Variants in ATP8A1 observed in about 807,000 individuals in gnomAD.
The protein encoded by ATP8A1 is ATPase phospholipid transporting 8A1.
A neutral mutation model predicts 177.7 loss-of-function variants in ATP8A1; 90 were observed. That is an observed-to-expected ratio of 0.51 (90% CI 0.43 to 0.60). The LOEUF is 0.60. ATP8A1 is among the 20% of genes least tolerant of loss of function. The pLI is 0.00. For missense variants in ATP8A1, 1,072 were observed against 1,392.8 expected, an observed-to-expected ratio of 0.77 and a Z score of 3.67; for synonymous variants, 493 against 485.9, an observed-to-expected ratio of 1.01 and a Z score of -0.19.
intron 24 of ATP8A1, among the ~76,000 whole-genome samples, chr4:42,498,303 A>T (rs1482189546): frequency 6.6e-6 from 1 of 152,152 alleles, no homozygotes; most frequent in Non-Finnish European, 1.5e-5. Flanking sequence ...TAATACATGT[A>T]AGTTGAGCTT....
chr4:42,433,313 A>AT (rs1715513449), intron 33 of ATP8A1, among the ~76,000 whole-genome samples: 1 of 152,256 alleles, frequency 6.6e-6, no homozygotes, highest in African/African-American at 2.4e-5. Flanking sequence ...CATTATGAGC[A>AT]TAACAGCTAG....
chr4:42,420,011 A>C (rs575750241), intron 35 of ATP8A1, among the ~76,000 whole-genome samples: 105 of 127,910 alleles, frequency 8.2e-4, no homozygotes, highest in African/African-American at 3.0e-3. Flanking sequence ...TCAAAAAAAA[A>C]CAAACAAACA....
intron 25 of ATP8A1, chr4:42,472,361 T>A (rs921429401): frequency 7.5e-6 from 3 of 399,370 alleles, no homozygotes; most frequent in Non-Finnish European, 1.5e-5. Flanking sequence ...AATTTTGAAT[T>A]CCCAGAGTTT....
chr4:42,552,322 A>G (rs1577569238), intron 17 of ATP8A1, among the ~76,000 whole-genome samples, 183 bp downstream of exon 17: 1 of 152,272 alleles, frequency 6.6e-6, no homozygotes, highest in East Asian at 1.9e-4. Flanking sequence ...TTACATATAC[A>G]AAGTTACACA....
chr4:42,622,425 C>A (rs371867439), intron 4 of ATP8A1, among the ~76,000 whole-genome samples: 12 of 151,140 alleles, frequency 7.9e-5, no homozygotes, highest in African/African-American at 2.9e-4. Flanking sequence ...AAATATAAAA[C>A]CCCAAACTAT....
intron 24 of ATP8A1, among the ~76,000 whole-genome samples, chr4:42,495,352 T>G (rs190722657): frequency 1.4e-3 from 216 of 152,346 alleles, no homozygotes; most frequent in Non-Finnish European, 2.8e-3. Flanking sequence ...ATTACTTGCT[T>G]TTCTACAATG....
chr4:42,604,262 C>T (rs1207447258), intron 5 of ATP8A1, among the ~76,000 whole-genome samples: 1 of 152,168 alleles, frequency 6.6e-6, no homozygotes, highest in Non-Finnish European at 1.5e-5. Flanking sequence ...GAGCTCCGTG[C>T]ACTTTTCCTT....
intron 20 of ATP8A1, among the ~76,000 whole-genome samples, chr4:42,542,318 A>T (rs1368078499): frequency 6.6e-6 from 1 of 152,324 alleles, no homozygotes; most frequent in East Asian, 1.9e-4. Context: ...TAACTCCTCA[A>T]ACAAGTTTCT....
Position 42,569,852 on chromosome 4 carries a change from C to T in ATP8A1, c.1296-647G>A, listed in dbSNP as rs183844224. Among the ~76,000 whole-genome samples, 104 of 152,322 alleles carry T rather than the reference C, an allele frequency of 6.8e-4. 2 individuals are homozygous for T. The highest frequency in any genetic ancestry group is 2.3e-3 in the African/African-American group (95 of 41,576). On this transcript the variant is annotated intron_variant, in intron 14 of 36. Coordinates refer to ENST00000381668, the MANE Select transcript of ATP8A1 (RefSeq NM_006095.2). ...TCTTCTTTAATTTCATCCATTCGCT[C>T]ATCTGAACACTAGGAAAGTCTGATA... is the stretch of plus-strand genomic sequence containing the variant.
At chr4:42,639,091 G>C (rs1304144082) in intron 1 of ATP8A1, among the ~76,000 whole-genome samples, 3 of 152,160 alleles carry the variant, frequency 2.0e-5, no homozygotes, top group Non-Finnish European at 2.9e-5. Flanking sequence ...CCCAACAGCT[G>C]TCCAAACCCA....
chr4:42,557,968 G>A (rs1189657164), intron 15 of ATP8A1, among the ~76,000 whole-genome samples: 1 of 152,052 alleles, frequency 6.6e-6, no homozygotes, highest in Non-Finnish European at 1.5e-5. Flanking sequence ...TGGAGGTTGC[G>A]GTGAGCCGAA....
At chr4:42,526,786 T>C (rs1347178866) in intron 20 of ATP8A1, among the ~76,000 whole-genome samples, 1 of 152,082 alleles carries the variant, frequency 6.6e-6, no homozygotes, top group East Asian at 1.9e-4. Context: ...GTACCAAGAG[T>C]GGCTCTAGAG....
At chr4:42,636,191 T>C (rs1739376425) in intron 1 of ATP8A1, among the ~76,000 whole-genome samples, 2 of 144,258 alleles carry the variant, frequency 1.4e-5, no homozygotes, top group South Asian at 4.5e-4. Flanking sequence ...TTAAGCTGGA[T>C]CAAAACAATT....
intron 33 of ATP8A1, among the ~76,000 whole-genome samples, chr4:42,424,678 T>A (rs898949381): frequency 3.9e-5 from 6 of 152,236 alleles, no homozygotes; most frequent in Non-Finnish European, 7.3e-5. Context: ...TAAACATTTC[T>A]AATTTTAAAT....
At chr4:42,626,901 G>T in intron 2 of ATP8A1, 94 bp downstream of exon 2, 1 of 860,676 alleles carries the variant, frequency 1.2e-6, no homozygotes, top group South Asian at 1.4e-5. Flanking sequence ...AATATTAACT[G>T]ACTGCACTGA....
At chr4:42,488,897 G>A (rs945831974) in intron 24 of ATP8A1, among the ~76,000 whole-genome samples, 2 of 152,176 alleles carry the variant, frequency 1.3e-5, no homozygotes, top group African/African-American at 4.8e-5. Flanking sequence ...CAGCAACAAA[G>A]GCAGTGTCTG....
intron 15 of ATP8A1, among the ~76,000 whole-genome samples, chr4:42,559,197 AAACAC>A (rs1229887512): frequency 6.6e-6 from 1 of 152,200 alleles, no homozygotes; most frequent in Non-Finnish European, 1.5e-5. Context: ...AAACAAAACA[AAACAC>A]AACCAACTTC....
At chr4:42,487,001 G>A (rs1400412171) in intron 24 of ATP8A1, among the ~76,000 whole-genome samples, 1 of 152,092 alleles carries the variant, frequency 6.6e-6, no homozygotes, top group African/African-American at 2.4e-5. Flanking sequence ...TAATTTACAG[G>A]CATTCTTTCA....
Position 42,495,416 on chromosome 4 carries a change from A to G in ATP8A1, c.2151+8034T>C, listed in dbSNP as rs564284841. Among the ~76,000 whole-genome samples, 4 of 152,288 alleles carry G rather than the reference A, an allele frequency of 2.6e-5. No individual in the cohort carries two copies. The South Asian group carries it at 6.2e-4, about 24-fold the overall frequency. On this transcript the variant is annotated intron_variant, in intron 24 of 36. Transcript: ENST00000381668. ...TTCCATATACTCCTACGCAACACAT[A>G]TATCAATACTCCTCCAGCTACTGCA...
Sources: gnomAD v4.1 joint callset for allele counts (sites outside exome capture counted in the v4.1 genomes callset) on GRCh38, gnomAD v4.1.1 for gene constraint, MANE v1.5 for transcripts, NCBI Gene and HGNC (gene_info 2026-07-23, HGNC 2026-07-21) for gene names.